CNNM1: variants seen among roughly 807,000 people sequenced by gnomAD.
CNNM1 encodes the protein metal transporter CNNM1.
CNNM1 carries 44 observed loss-of-function variants against 78.8 expected under a neutral mutation model. That is an observed-to-expected ratio of 0.56 (90% CI 0.44 to 0.72). CNNM1 has a LOEUF of 0.72. Among genes scored for constraint, CNNM1 ranks in the 30% least tolerant of loss-of-function variants. The probability of loss-of-function intolerance (pLI) is 0.00; values close to 1 mark genes in which losing one functional copy is unlikely to be tolerated. For synonymous variants in CNNM1, 584 were observed against 581.5 expected (o/e 1.00, Z -0.06); for missense variants, 1,101 against 1,292.2 (o/e 0.85, Z 2.27).
intron 6 of CNNM1, among the ~76,000 whole-genome samples, chr10:99,371,745 T>G (rs1199480782): frequency 6.6e-6 from 1 of 152,150 alleles, no homozygotes; most frequent in African/African-American, 2.4e-5. Context: ...ACATCGTAGT[T>G]TTGACAGACA....
At chr10:99,349,796 C>T (rs2030863844) in intron 1 of CNNM1, among the ~76,000 whole-genome samples, 1 of 152,132 alleles carries the variant, frequency 6.6e-6, no homozygotes, top group Non-Finnish European at 1.5e-5. Context: ...GTCAGGAGAT[C>T]GAGACCATCC....
intron 6 of CNNM1, among the ~76,000 whole-genome samples, chr10:99,374,135 C>G (rs1190235113): frequency 6.6e-6 from 1 of 152,192 alleles, no homozygotes; most frequent in Non-Finnish European, 1.5e-5. Flanking sequence ...AAGAACTCAT[C>G]AGTTTGTTTT....
At chr10:99,372,493 T>C (rs757921716) in intron 6 of CNNM1, among the ~76,000 whole-genome samples, 3 of 152,196 alleles carry the variant, frequency 2.0e-5, no homozygotes, top group South Asian at 2.1e-4. Context: ...CATATCATAC[T>C]GTTTGATCTG....
intron 1 of CNNM1, among the ~76,000 whole-genome samples, chr10:99,352,913 A>G (rs1364568690): frequency 6.6e-6 from 1 of 150,700 alleles, no homozygotes; most frequent in Non-Finnish European, 1.5e-5. Context: ...TAAGAAATCA[A>G]TCTCTAAGGT....
rs1216600841 is a variant in CNNM1 at position 99,394,162 on chromosome 10, A to T, written c.*2646A>T. 6.6e-6 allele frequency: 1 copy of T among 152,454 alleles called. No homozygotes were observed. The highest frequency in any genetic ancestry group is 1.5e-5 in the Non-Finnish European group (1 of 68,022). The allele number at this position is 152,454 out of a possible 1,614,324, so 9.4% of individuals were successfully genotyped here. A position where few individuals can be genotyped will look rare whatever the true frequency, so the allele number is the denominator to read the frequency against. ...TTGCATTACACCCATCCCTTTGCAA[A>T]ATCCCTATGGAGCCTGTCACCACTC... is the stretch of plus-strand genomic sequence containing the variant. On this transcript the variant is annotated 3_prime_UTR_variant, in exon 11 of 11. Transcript: ENST00000356713.
chr10:99,330,044 GC>G lies in CNNM1; in HGVS notation c.662del (p.Pro221LeufsTer13). On this transcript the variant is annotated frameshift_variant, in exon 1 of 11. Coordinates refer to ENST00000356713, the MANE Select transcript of CNNM1 (RefSeq NM_020348.3). LOFTEE classifies it high-confidence loss of function. ...RLYGPGGDLL[P>X]PAWLRALGAL... ...TGTACGGCCCAGGCGGGGACCTGCT[GC>G]CCCCTGCGTGGCTGCGGGCGCTCGG... 1 of 1,504,212 alleles carries G rather than the reference GC, an allele frequency of 6.6e-7. No individual in the cohort carries two copies. The highest frequency in any genetic ancestry group is 2.2e-5 in the Admixed American group (1 of 45,640). 93.2% of individuals were successfully genotyped at this position (1,504,212 alleles called of 1,614,324 possible).
intron 1 of CNNM1, among the ~76,000 whole-genome samples, chr10:99,346,258 A>T (rs1017249220): frequency 6.6e-6 from 1 of 152,170 alleles, no homozygotes; most frequent in African/African-American, 2.4e-5. Context: ...AATGGTTAGG[A>T]TATTGGTGCA....
Position 99,360,236 on chromosome 10 carries a change from G to A in CNNM1, c.1718-599G>A, listed in dbSNP as rs976469102. On this transcript the variant is annotated intron_variant, in intron 2 of 10. Coordinates refer to ENST00000356713, the MANE Select transcript of CNNM1 (RefSeq NM_020348.3). ...AATTGTGAAATAAGAGGTGGTGGCC[G>A]CCCTCCTTCCTTGTGTGGCATGCTT... Among the ~76,000 whole-genome samples the A allele has an allele frequency of 4.6e-5, 7 of 152,244 alleles. No individual in the cohort carries two copies. In the South Asian group the frequency reaches 8.3e-4, roughly 18 times the overall value.
At chr10:99,354,792 C>T (rs145488609) in intron 1 of CNNM1, among the ~76,000 whole-genome samples, 10 of 152,058 alleles carry the variant, frequency 6.6e-5, no homozygotes, top group African/African-American at 1.4e-4. Context: ...GAGTAGGGGA[C>T]GTAGCAGGGC....
In CNNM1 at chr10:99,391,595, C is replaced by A; in HGVS notation, c.*79C>A. ...AATCCACCCTCCCATCATCTGCTTC[C>A]CCCAAGGCCTCCCACAGGTGACAGA... is the stretch of plus-strand genomic sequence containing the variant. On this transcript the variant is annotated 3_prime_UTR_variant, in exon 11 of 11. Coordinates refer to ENST00000356713, the MANE Select transcript of CNNM1 (RefSeq NM_020348.3). 1 of 1,196,922 alleles carries A rather than the reference C, an allele frequency of 8.4e-7. No homozygotes were observed. The highest frequency in any genetic ancestry group is 2.4e-5 in the East Asian group (1 of 42,042). 74.1% of individuals were successfully genotyped at this position (1,196,922 alleles called of 1,614,324 possible).
intron 7 of CNNM1, among the ~76,000 whole-genome samples, chr10:99,378,956 T>C (rs1053066925): frequency 2.0e-5 from 3 of 152,224 alleles, no homozygotes; most frequent in African/African-American, 7.2e-5. Flanking sequence ...CACTTAAGTC[T>C]AATGTGACAA....
At chr10:99,332,282 C>T (rs920331128) in intron 1 of CNNM1, among the ~76,000 whole-genome samples, 2 of 152,156 alleles carry the variant, frequency 1.3e-5, no homozygotes, top group African/African-American at 4.8e-5. Context: ...AGGCATTCAT[C>T]TGATATGAGT....
intron 1 of CNNM1, among the ~76,000 whole-genome samples, chr10:99,338,594 A>G (rs1564938525): frequency 6.6e-6 from 1 of 152,156 alleles, no homozygotes; most frequent in Non-Finnish European, 1.5e-5. Context: ...TTGCTTTTAT[A>G]AATTTTTTAC....
At chr10:99,349,411 A>G (rs377229201) in intron 1 of CNNM1, among the ~76,000 whole-genome samples, 1 of 152,318 alleles carries the variant, frequency 6.6e-6, no homozygotes, top group African/African-American at 2.4e-5. Flanking sequence ...AGGATTAAAA[A>G]AAAGGAATCC....
chr10:99,351,686 A>G (rs749378337), intron 1 of CNNM1, among the ~76,000 whole-genome samples: 19 of 152,114 alleles, frequency 1.2e-4, no homozygotes, highest in Admixed American at 3.9e-4. Context: ...AAAACTCATA[A>G]TACGGTGCCT....
intron 6 of CNNM1, among the ~76,000 whole-genome samples, chr10:99,371,289 G>T (rs995601929): frequency 6.6e-6 from 1 of 152,152 alleles, no homozygotes; most frequent in South Asian, 2.1e-4. Flanking sequence ...TCCAGGTTGT[G>T]GTGTGGTTAA....
chr10:99,358,065 G>A (rs1448001368), intron 2 of CNNM1, among the ~76,000 whole-genome samples: 3 of 152,200 alleles, frequency 2.0e-5, no homozygotes, highest in Non-Finnish European at 4.4e-5. Context: ...ACTCACATCA[G>A]AACATCGCAG....
At position 99,363,890 on chromosome 10, in the gene CNNM1, A is replaced by G. The variant is rs191561467; in HGVS notation, c.2029-527A>G. On this transcript the variant is annotated intron_variant, in intron 4 of 10. Transcript: ENST00000356713. Reference sequence around the variant, plus strand: ...CTCCTGAGTAGCTAGGACTACAGGCATGCACCACCACACCCAGCTAATTTT... The same window carrying G: ...CTCCTGAGTAGCTAGGACTACAGGCGTGCACCACCACACCCAGCTAATTTT... Among the ~76,000 whole-genome samples, 489 of 152,040 alleles carry G rather than the reference A, an allele frequency of 3.2e-3. 3 individuals are homozygous for G. The highest frequency in any genetic ancestry group is 0.011 in the African/African-American group (442 of 41,496).
intron 6 of CNNM1, among the ~76,000 whole-genome samples, chr10:99,373,653 T>C (rs998087685): frequency 2.6e-5 from 4 of 152,230 alleles, no homozygotes; most frequent in Admixed American, 2.0e-4. Flanking sequence ...GAGCTTTTAG[T>C]GTGGCCATCA....
Sources: allele counts gnomAD v4.1 joint callset (sites outside exome capture counted in the v4.1 genomes callset), GRCh38; gene constraint gnomAD v4.1.1; transcripts MANE v1.5; gene names NCBI Gene and HGNC (gene_info 2026-07-23, HGNC 2026-07-21).